The following CASZ1 variants were observed in gnomAD, a reference collection of about 807,000 sequenced individuals.
The protein encoded by CASZ1 is zinc finger protein castor homolog 1.
CASZ1 carries 28 observed loss-of-function variants against 135.2 expected under a neutral mutation model. That is an observed-to-expected ratio of 0.21 (90% CI 0.15 to 0.28). CASZ1 has a LOEUF of 0.28. Ranked by LOEUF, CASZ1 falls within the 10% of genes least tolerant of loss-of-function variation. The pLI is 1.00. For synonymous variants in CASZ1, 1,068 were observed against 1,073.4 expected (o/e 0.99, Z 0.10); for missense variants, 2,161 against 2,453.3 (o/e 0.88, Z 2.52).
rs1642365346 is a variant in CASZ1, at chr1:10,646,420, C to T, written c.3498-94G>A. On this transcript the variant is annotated intron_variant, in intron 16 of 20. Transcript: ENST00000377022. This position sits in a 1 kb window ranked among gnomAD's most constrained non-coding sequence, Gnocchi z 6.4. Reference sequence around the variant, plus strand: ...ACTTGTGTTGGAGTTCACTCCCCCACGACCAGCGGTACCACCAAGAGGGAT... The same window carrying T: ...ACTTGTGTTGGAGTTCACTCCCCCATGACCAGCGGTACCACCAAGAGGGAT... The T allele has an allele frequency of 1.9e-5, 23 of 1,186,766 alleles. No individual in the cohort carries two copies. Among genetic ancestry groups the T allele is most frequent in the Admixed American group, 5.9e-5 (3 of 50,672 alleles). The allele number at this position is 1,186,766 out of a possible 1,614,324, so 73.5% of individuals were successfully genotyped here. A position where few individuals can be genotyped will look rare whatever the true frequency, so the allele number is the denominator to read the frequency against.
At chr1:10,748,835 G>A (rs757215910) in intron 2 of CASZ1, among the ~76,000 whole-genome samples, 3 of 152,228 alleles carry the variant, frequency 2.0e-5, no homozygotes, top group Non-Finnish European at 4.4e-5. Context: ...CAAGGCCCAC[G>A]TGGCCAGAGC....
intron 2 of CASZ1, among the ~76,000 whole-genome samples, chr1:10,753,714 C>T (rs1283874665): frequency 6.6e-6 from 1 of 152,178 alleles, no homozygotes; most frequent in Non-Finnish European, 1.5e-5. Flanking sequence ...CAGACAGACC[C>T]CTCTGTGCCC....
At chr1:10,787,511 G>A (rs1392357553) in intron 1 of CASZ1, among the ~76,000 whole-genome samples, 5 of 152,242 alleles carry the variant, frequency 3.3e-5, no homozygotes, top group African/African-American at 9.6e-5. Context: ...CTCCCCGGGG[G>A]CGAGGGGGGC....
Position 10,660,330 on chromosome 1 carries a change from T to C in CASZ1, c.712A>G (p.Lys238Glu). The C allele has an allele frequency of 1.9e-6, 3 of 1,614,124 alleles. No homozygotes were observed. Among genetic ancestry groups the C allele is most frequent in the South Asian group, 1.1e-5 (1 of 91,084 alleles). Residue 238 changes from lysine (K) to glutamate (E), a missense_variant, in exon 6 of 21, where the codon AAG becomes GAG. By Grantham distance (56) the Lys-to-Glu change is moderately conservative. Coordinates refer to ENST00000377022, the MANE Select transcript of CASZ1 (RefSeq NM_001079843.3). Reference protein sequence around the residue: ...DTLSKRARFSKYEEYIRKLKA... With the variant: ...DTLSKRARFSEYEEYIRKLKA... The stretch of plus-strand genomic sequence containing the variant: ...AGCTTGCGGATGTACTCCTCATACT[T>C]AGAGAACCGCGCCCGCTTGCTGAGG...
At chr1:10,781,172 G>A (rs1350931448) in intron 1 of CASZ1, among the ~76,000 whole-genome samples, 3 of 152,242 alleles carry the variant, frequency 2.0e-5, no homozygotes, top group African/African-American at 7.2e-5. Flanking sequence ...CGAGGAGGGG[G>A]CTCTGGGAGG....
At chr1:10,793,730 G>T (rs183473540) in intron 1 of CASZ1, among the ~76,000 whole-genome samples, 1 of 150,532 alleles carries the variant, frequency 6.6e-6, no homozygotes, top group South Asian at 2.1e-4. Flanking sequence ...TGGCGGGGGG[G>T]CGGGGCGGCG....
chr1:10,708,736 A>G (rs1379791160), intron 2 of CASZ1, among the ~76,000 whole-genome samples: 2 of 152,078 alleles, frequency 1.3e-5, no homozygotes, highest in Non-Finnish European at 2.9e-5. Context: ...AAGCAAACCA[A>G]TTAAAACTAA....
chr1:10,763,741 G>T lies in CASZ1; in HGVS notation c.-233-2884C>A, dbSNP rs12067904. 7.9e-3 allele frequency among the ~76,000 whole-genome samples: 1,207 copies of T among 152,300 alleles called. 14 individuals carry two copies. Among genetic ancestry groups the T allele is most frequent in the African/African-American group, 0.028 (1,159 of 41,556 alleles). ...CGCGTCTCCAGCATCTAGCACAACAGCTGGGCCACCGTGGGCAGCGAAGGT... is the reference window on the plus strand; with the variant it reads ...CGCGTCTCCAGCATCTAGCACAACATCTGGGCCACCGTGGGCAGCGAAGGT... On this transcript the variant is annotated intron_variant, in intron 1 of 20. Transcript: ENST00000377022.
intron 1 of CASZ1, among the ~76,000 whole-genome samples, chr1:10,796,091 G>A (rs1374548335): frequency 2.6e-5 from 4 of 152,086 alleles, no homozygotes; most frequent in Non-Finnish European, 5.9e-5. Context: ...GGGAAGGAGT[G>A]ATTACCCGGT....
chr1:10,648,512 CGGCCGAGGGTGCCT>C, intron 15 of CASZ1: 1 of 230,318 alleles, frequency 4.3e-6, no homozygotes. Flanking sequence ...CCGCGGGCTA[CGGCCGAGGGTGCCT>C]ACGCGGTCGG....
In CASZ1 at chr1:10,728,969, T is replaced by C. The variant is rs11808366; in HGVS notation, c.-76-23425A>G. On this transcript the variant is annotated intron_variant, in intron 2 of 20. Coordinates refer to ENST00000377022, the MANE Select transcript of CASZ1 (RefSeq NM_001079843.3). The stretch of plus-strand genomic sequence containing the variant: ...CCTGAGAGGTGAAAACAAGAGGCCT[T>C]CCCCCCCCACTCTCCGGACAGCTAT... Among the ~76,000 whole-genome samples the C allele has an allele frequency of 1.7e-3, 262 of 150,968 alleles. 1 individual carries two copies. The highest frequency in any genetic ancestry group is 6.0e-3 in the African/African-American group (248 of 41,050).
intron 4 of CASZ1, among the ~76,000 whole-genome samples, chr1:10,677,989 C>T (rs1027343792): frequency 2.0e-5 from 3 of 152,170 alleles, no homozygotes; most frequent in African/African-American, 4.8e-5. Context: ...ATGGGTAGGA[C>T]GTGTGTGGCA....
At chr1:10,675,198 C>T (rs538944769) in intron 4 of CASZ1, among the ~76,000 whole-genome samples, 18 of 152,336 alleles carry the variant, frequency 1.2e-4, no homozygotes, top group African/African-American at 4.3e-4. Flanking sequence ...ATTAACAGAA[C>T]AATAAAAATA....
chr1:10,688,071 G>A (rs1336895884), intron 4 of CASZ1, among the ~76,000 whole-genome samples: 3 of 152,196 alleles, frequency 2.0e-5, no homozygotes, highest in Admixed American at 6.5e-5. Flanking sequence ...CGTGAGCCCC[G>A]GCCCGTACCA....
chr1:10,750,967 G>T (rs538058624), intron 2 of CASZ1, among the ~76,000 whole-genome samples: 102 of 151,462 alleles, frequency 6.7e-4, no homozygotes, highest in African/African-American at 2.4e-3. Context: ...CGCTCCTGGG[G>T]TCACTGGAGG....
At chr1:10,684,060 A>AAG (rs1239064340) in intron 4 of CASZ1, among the ~76,000 whole-genome samples, 5 of 152,234 alleles carry the variant, frequency 3.3e-5, no homozygotes, top group Non-Finnish European at 7.3e-5. Flanking sequence ...CCGGGCCTCC[A>AAG]GCTTCCCCAC....
chr1:10,654,724 G>A, intron 9 of CASZ1, 133 bp from the exon 10 acceptor site: 1 of 795,168 alleles, frequency 1.3e-6, no homozygotes, highest in Non-Finnish European at 2.1e-6. Context: ...CTTCAAACTG[G>A]AGGCCTCGGG....
Position 10,660,141 on chromosome 1 carries a change from G to C in CASZ1, c.901C>G (p.Gln301Glu). 6.2e-7 allele frequency: 1 copy of C among 1,614,122 alleles called. No individual in the cohort carries two copies. The highest frequency in any genetic ancestry group is 1.1e-5 in the South Asian group (1 of 91,074). ...GCCCGGGCTACCAGGTTCTGCATCT[G>C]GACACTGCTGTGCGACGGCAGGGGC... is the stretch of plus-strand genomic sequence containing the variant. ...ILPLPSHSSV[Q>E]MQNLVARASK... Residue 301 changes from glutamine to glutamate, a missense_variant, in exon 6 of 21, where the codon CAG (glutamine) becomes GAG (glutamate). This residue lies in a region of CASZ1 where 590 missense variants were observed against 609.8 expected (regional missense o/e 0.97). Coordinates refer to ENST00000377022, the MANE Select transcript of CASZ1 (RefSeq NM_001079843.3).
chr1:10,728,986 G>T (rs1416708997), intron 2 of CASZ1, among the ~76,000 whole-genome samples: 2 of 152,116 alleles, frequency 1.3e-5, no homozygotes, highest in African/African-American at 4.8e-5. Context: ...CCACTCTCCG[G>T]ACAGCTATTT....
Sources: allele counts gnomAD v4.1 joint callset (sites outside exome capture counted in the v4.1 genomes callset), GRCh38; gene constraint gnomAD v4.1.1; regional missense constraint gnomAD v4.1.1; non-coding constraint Gnocchi (gnomAD v3.1); transcripts MANE v1.5; gene names NCBI Gene and HGNC (gene_info 2026-07-23, HGNC 2026-07-21).